PRRC1: variants seen among roughly 807,000 people sequenced by gnomAD.
PRRC1 encodes proline rich coiled-coil 1.
PRRC1 carries 39 observed loss-of-function variants against 40.7 expected under a neutral mutation model. The ratio of observed to expected loss-of-function variants is 0.96; its 90% CI spans 0.74 to 1.25. PRRC1 has a LOEUF of 1.25. Ranked by LOEUF, PRRC1 falls within the 50% of genes most tolerant of loss-of-function variation. The pLI is 0.00. For missense variants in PRRC1, 573 were observed against 548.3 expected (o/e 1.05, Z -0.45); for synonymous variants, 175 against 193.3 (o/e 0.91, Z 0.79).
chr5:127,534,468 T>C (rs1171963633), intron 6 of PRRC1, among the ~76,000 whole-genome samples: 6 of 152,308 alleles, frequency 3.9e-5, no homozygotes, highest in African/African-American at 1.4e-4. Flanking sequence ...TGATAGTGCT[T>C]TCAGGCTCGT....
At chr5:127,551,233 T>C (rs1468332723) in intron 8 of PRRC1, 1 of 161,512 alleles carries the variant, frequency 6.2e-6, no homozygotes, top group Admixed American at 5.9e-5. Context: ...GTTGCATCAG[T>C]GGTTGATGTT....
Position 127,547,937 on chromosome 5 carries a change from T to G in PRRC1, c.1128+16T>G, listed in dbSNP as rs1479479022. On this transcript the variant is annotated intron_variant, in intron 8 of 8. Coordinates refer to ENST00000296666, the MANE Select transcript of PRRC1 (RefSeq NM_130809.5). Reference sequence around the variant, plus strand: ...TGTACAGCAGGTTGGTTTTCTCCTTTGCTTTTTCATTATGCTCCAGAGAAA... The same window carrying G: ...TGTACAGCAGGTTGGTTTTCTCCTTGGCTTTTTCATTATGCTCCAGAGAAA... 6.6e-7 allele frequency: 1 copy of G among 1,510,168 alleles called. No homozygotes were observed. The highest frequency in any genetic ancestry group is 2.3e-5 in the East Asian group (1 of 44,348). 93.5% of individuals were successfully genotyped at this position (1,510,168 alleles called of 1,614,324 possible).
At chr5:127,537,417 G>A (rs1405109561) in intron 6 of PRRC1, among the ~76,000 whole-genome samples, 1 of 151,802 alleles carries the variant, frequency 6.6e-6, no homozygotes, top group Non-Finnish European at 1.5e-5. Context: ...TTTAATTAAT[G>A]TAGTGGTCAG....
intron 6 of PRRC1, among the ~76,000 whole-genome samples, chr5:127,537,006 G>A (rs188467926): frequency 4.6e-4 from 70 of 151,736 alleles, no homozygotes; most frequent in Non-Finnish European, 8.3e-4. Flanking sequence ...CTAAACTTAC[G>A]TTACCTTTTA....
At position 127,552,963 on chromosome 5, in the gene PRRC1, C is replaced by G; in HGVS notation, c.*1047C>G. 1.2e-6 allele frequency: 1 copy of G among 854,690 alleles called. No individual in the cohort carries two copies. Among genetic ancestry groups the G allele is most frequent in the Non-Finnish European group, 1.4e-6 (1 of 711,790 alleles). The allele number at this position is 854,690 out of a possible 1,614,324, so 52.9% of individuals were successfully genotyped here. A position where few individuals can be genotyped will look rare whatever the true frequency, so the allele number is the denominator to read the frequency against. On this transcript the variant is annotated 3_prime_UTR_variant, in exon 9 of 9. Transcript: ENST00000296666. ...CTAGTTTATTTAGTCTACTGTATTTCTATTTCGTGGAAGCCTTTTCCCCTC... is the reference window on the plus strand; with the variant it reads ...CTAGTTTATTTAGTCTACTGTATTTGTATTTCGTGGAAGCCTTTTCCCCTC...
chr5:127,523,639 C>T (rs1368901871), intron 2 of PRRC1, 57 bp downstream of exon 2: 7 of 1,035,316 alleles, frequency 6.8e-6, no homozygotes, highest in Non-Finnish European at 5.6e-6. Flanking sequence ...ATACTATCAT[C>T]TTTTCTCAGA....
chr5:127,531,861 C>G (rs1767781832), intron 5 of PRRC1, among the ~76,000 whole-genome samples: 1 of 151,542 alleles, frequency 6.6e-6, no homozygotes, highest in Admixed American at 6.6e-5. Context: ...AAGAAACAAG[C>G]TCAGTGACTT....
intron 2 of PRRC1, 67 bp downstream of exon 2, chr5:127,523,649 A>G: frequency 1.1e-6 from 1 of 927,346 alleles, no homozygotes; most frequent in Non-Finnish European, 1.6e-6. Context: ...CTTTTCTCAG[A>G]GTCAATTAAG....
rs1768418290 is a variant in PRRC1 at position 127,552,403 on chromosome 5, T to G, written c.*487T>G. ...TGGTGCTGAGCAGCCTGCTCAACAG[T>G]CACTATAAGACACCTACTTGTCGGG... is the stretch of plus-strand genomic sequence containing the variant. On this transcript the variant is annotated 3_prime_UTR_variant, in exon 9 of 9. Coordinates refer to ENST00000296666, the MANE Select transcript of PRRC1 (RefSeq NM_130809.5). 3 of 994,898 alleles carry G rather than the reference T, an allele frequency of 3.0e-6. No homozygotes were observed. In the South Asian group the frequency reaches 1.3e-4, roughly 44 times the overall value. 61.6% of individuals were successfully genotyped at this position (994,898 alleles called of 1,614,324 possible). A position where few individuals can be genotyped will look rare whatever the true frequency, so the allele number is the denominator to read the frequency against.
chr5:127,535,038 G>A (rs193013370), intron 6 of PRRC1, among the ~76,000 whole-genome samples: 27 of 152,208 alleles, frequency 1.8e-4, no homozygotes, highest in Admixed American at 1.4e-3. Context: ...CCATAAAGTT[G>A]CTACAGACTG....
intron 6 of PRRC1, 169 bp downstream of exon 6, chr5:127,533,955 T>C: frequency 2.8e-6 from 2 of 726,980 alleles, no homozygotes; most frequent in Non-Finnish European, 4.7e-6. Flanking sequence ...TAGTGGAGTT[T>C]TAATTTAAAG....
chr5:127,533,227 A>G (rs1417617145), intron 5 of PRRC1, among the ~76,000 whole-genome samples: 1 of 152,172 alleles, frequency 6.6e-6, no homozygotes, highest in Non-Finnish European at 1.5e-5. Context: ...TTCTAGGTTA[A>G]AAAGTATATT....
intron 8 of PRRC1, 176 bp downstream of exon 8, chr5:127,548,097 G>A: frequency 1.5e-6 from 1 of 658,928 alleles, no homozygotes; most frequent in Non-Finnish European, 2.7e-6. Context: ...TGTTGTTTTA[G>A]TACCTTCCTC....
chr5:127,545,138 C>A (rs1768177657), intron 7 of PRRC1, among the ~76,000 whole-genome samples: 2 of 152,004 alleles, frequency 1.3e-5, no homozygotes, highest in African/African-American at 4.8e-5. Context: ...CAGGAAACAA[C>A]AGGTGCTGGA....
At chr5:127,527,757 CAAAAAA>C (rs11395244) in intron 4 of PRRC1, among the ~76,000 whole-genome samples, 1 of 80,264 alleles carries the variant, frequency 1.2e-5, no homozygotes, top group Non-Finnish European at 2.5e-5. Context: ...GACACTGTCT[CAAAAAA>C]AAAAAAAAAA....
At chr5:127,534,953 C>T (rs1161082159) in intron 6 of PRRC1, among the ~76,000 whole-genome samples, 2 of 152,204 alleles carry the variant, frequency 1.3e-5, no homozygotes, top group Admixed American at 6.5e-5. Flanking sequence ...TGACTTCTCT[C>T]ATTACCCACT....
At chr5:127,548,689 T>G (rs931128640) in intron 8 of PRRC1, 6 of 152,062 alleles carry the variant, frequency 3.9e-5, no homozygotes, top group African/African-American at 1.4e-4. Flanking sequence ...AAGAAAACTA[T>G]TGGGCTGTCT....
intron 4 of PRRC1, among the ~76,000 whole-genome samples, chr5:127,527,906 T>A (rs961966929): frequency 7.9e-5 from 12 of 152,166 alleles, no homozygotes; most frequent in African/African-American, 2.4e-5. Flanking sequence ...CTTCAGGAGG[T>A]TTATACCAAA....
At chr5:127,549,042 A>G (rs1170188687) in intron 8 of PRRC1, 3 of 152,106 alleles carry the variant, frequency 2.0e-5, no homozygotes, top group African/African-American at 7.2e-5. Flanking sequence ...AGTTAAGAGT[A>G]TTAGGTTGAA....
Sources: allele counts gnomAD v4.1 joint callset (sites outside exome capture counted in the v4.1 genomes callset), GRCh38; gene constraint gnomAD v4.1.1; transcripts MANE v1.5; gene names NCBI Gene and HGNC (gene_info 2026-07-23, HGNC 2026-07-21).